Variants in TGFB2 observed in about 807,000 individuals in gnomAD.
TGFB2 encodes transforming growth factor beta 2.
Under a neutral mutation model 42.7 loss-of-function variants are expected in TGFB2, and 13 were observed. The observed-to-expected ratio is 0.30, with a 90% CI of 0.20 to 0.48. The LOEUF (loss-of-function observed/expected upper bound fraction) is 0.48. TGFB2 is among the 20% of genes least tolerant of loss of function. The pLI is 0.99. For missense variants in TGFB2, 390 were observed against 517.5 expected (o/e 0.75, Z 2.39); for synonymous variants, 193 against 193.6 (o/e 1.00, Z 0.03).
At chr1:218,414,545 G>T (rs1466514983) in intron 2 of TGFB2, among the ~76,000 whole-genome samples, 1 of 152,024 alleles carries the variant, frequency 6.6e-6, no homozygotes, top group South Asian at 2.1e-4. Flanking sequence ...TTTGCACAAG[G>T]CTATTAATAT....
chr1:218,382,590 T>A (rs557600728), intron 1 of TGFB2, among the ~76,000 whole-genome samples: 8 of 152,198 alleles, frequency 5.3e-5, no homozygotes, highest in Non-Finnish European at 1.0e-4. Flanking sequence ...AATAATAAAT[T>A]TGTTTTGTGG....
chr1:218,412,649 A>G (rs1335309549), intron 2 of TGFB2, among the ~76,000 whole-genome samples: 1 of 152,192 alleles, frequency 6.6e-6, no homozygotes, highest in Non-Finnish European at 1.5e-5. Flanking sequence ...GGGGTTTATT[A>G]TGAGGGTGAA....
chr1:218,400,699 G>A (rs967283433), intron 1 of TGFB2, among the ~76,000 whole-genome samples: 2 of 152,212 alleles, frequency 1.3e-5, no homozygotes, highest in African/African-American at 2.4e-5. Flanking sequence ...GGTGAGAGAC[G>A]TGCTTCTACT....
intron 1 of TGFB2, among the ~76,000 whole-genome samples, chr1:218,374,265 G>T (rs570635452): frequency 2.0e-5 from 3 of 152,326 alleles, no homozygotes; most frequent in South Asian, 2.1e-4. Context: ...CTATCAATAA[G>T]CAGGATCCTG....
At chr1:218,404,052 A>G in intron 1 of TGFB2, among the ~76,000 whole-genome samples, 1 of 4,040 alleles carries the variant, frequency 2.5e-4, no homozygotes, top group Non-Finnish European at 5.4e-4. Flanking sequence ...GGCAGATTAC[A>G]AAAAAAAAAA....
In TGFB2 at chr1:218,364,786, A is replaced by C. The variant is rs112294572; in HGVS notation, c.346+17739A>C. On this transcript the variant is annotated intron_variant, in intron 1 of 6. Transcript: ENST00000366930. Reference sequence around the variant, plus strand: ...TGAGAATATACGTTGATTTTAGTACAGAGAGCCTCAAAGTGGCTACAAGCT... The same window carrying C: ...TGAGAATATACGTTGATTTTAGTACCGAGAGCCTCAAAGTGGCTACAAGCT... 5.8e-3 allele frequency among the ~76,000 whole-genome samples: 891 copies of C among 152,336 alleles called. 12 individuals are homozygous for C. Among genetic ancestry groups the C allele is most frequent in the African/African-American group, 0.02 (811 of 41,570 alleles).
chr1:218,410,378 G>C (rs1659055667), intron 2 of TGFB2, among the ~76,000 whole-genome samples: 1 of 152,182 alleles, frequency 6.6e-6, no homozygotes, highest in Non-Finnish European at 1.5e-5. Flanking sequence ...CTCTGAGCTT[G>C]TTTAAACCTG....
rs1660246297 is a variant in TGFB2 at position 218,444,134 on chromosome 1, CAG to C, written c.*2774_*2775del. 6.6e-6 allele frequency: 1 copy of C among 152,118 alleles called. No individual in the cohort carries two copies. Among genetic ancestry groups the C allele is most frequent in the Admixed American group, 6.6e-5 (1 of 15,266 alleles). The allele number at this position is 152,118 out of a possible 1,614,324, so 9.4% of individuals were successfully genotyped here. ...CTTTCTCCCTTAAGGACAGTCACTT[CAG>C]AAGTCATGCTTTAAAGCACAAGAGT... On this transcript the variant is annotated 3_prime_UTR_variant, in exon 7 of 7. Transcript: ENST00000366930.
chr1:218,368,325 C>T (rs1276017758), intron 1 of TGFB2, among the ~76,000 whole-genome samples: 3 of 151,590 alleles, frequency 2.0e-5, no homozygotes, highest in East Asian at 2.0e-4. Flanking sequence ...TTAGTAGAGA[C>T]GGGGTTTCAC....
intron 1 of TGFB2, among the ~76,000 whole-genome samples, chr1:218,377,034 A>T (rs1327091151): frequency 1.3e-5 from 2 of 152,042 alleles, no homozygotes; most frequent in Non-Finnish European, 2.9e-5. Context: ...AGCTGGGACT[A>T]CAGATGATGC....
At chr1:218,433,971 TA>T (rs1434621932) in intron 2 of TGFB2, 110 bp from the exon 3 acceptor site, 4 of 1,431,904 alleles carry the variant, frequency 2.8e-6, no homozygotes, top group Admixed American at 3.8e-5. Flanking sequence ...ATGGCTATAC[TA>T]CAGTAGAGCT....
rs895766876 is a variant in TGFB2, at chr1:218,346,620, T to G, written c.-82T>G. 3 of 1,276,992 alleles carry G rather than the reference T, an allele frequency of 2.3e-6. No homozygotes were observed. The highest frequency in any genetic ancestry group is 3.0e-5 in the African/African-American group (2 of 66,118). 79.1% of individuals were successfully genotyped at this position (1,276,992 alleles called of 1,614,324 possible). A position where few individuals can be genotyped will look rare whatever the true frequency, so the allele number is the denominator to read the frequency against. On this transcript the variant is annotated 5_prime_UTR_variant, in exon 1 of 7. Transcript: ENST00000366930. The surrounding 1 kb of genome is among the most constrained non-coding windows in gnomAD (Gnocchi z 4.9). The stretch of plus-strand genomic sequence containing the variant: ...ACAACAAAAAACCAAACAACTCTCC[T>G]TGATCTATACTTTGAGAATTGTTGA...
chr1:218,404,400 AC>A (rs1658836319), intron 1 of TGFB2, among the ~76,000 whole-genome samples: 1 of 152,212 alleles, frequency 6.6e-6, no homozygotes. Flanking sequence ...TACAGGCGTG[AC>A]CCACTGTGCC....
intron 1 of TGFB2, among the ~76,000 whole-genome samples, chr1:218,402,497 C>T (rs1469501510): frequency 1.3e-5 from 2 of 151,784 alleles, no homozygotes; most frequent in Admixed American, 6.6e-5. Context: ...TCTGAGGCAG[C>T]CATAAAAAGA....
At chr1:218,369,210 G>A (rs549288320) in intron 1 of TGFB2, among the ~76,000 whole-genome samples, 17 of 134,488 alleles carry the variant, frequency 1.3e-4, no homozygotes, top group Middle Eastern at 5.2e-3. Flanking sequence ...AGCCGAGATC[G>A]TGCCTCTTCA....
In TGFB2 at chr1:218,443,437, AG is replaced by A. The variant is rs1660220294; in HGVS notation, c.*2076del. On this transcript the variant is annotated 3_prime_UTR_variant, in exon 7 of 7. Coordinates refer to ENST00000366930, the MANE Select transcript of TGFB2 (RefSeq NM_003238.6). ...TTGGAATTTCCTGACCATTAATTAAAGAATTGGATTTGCAAGTTTGAAAACT... is the reference window on the plus strand; with the variant it reads ...TTGGAATTTCCTGACCATTAATTAAAAATTGGATTTGCAAGTTTGAAAACT... The A allele has an allele frequency of 1.3e-5, 2 of 152,224 alleles. No individual in the cohort carries two copies. The highest frequency in any genetic ancestry group is 2.9e-5 in the Non-Finnish European group (2 of 68,044). 9.4% of individuals were successfully genotyped at this position (152,224 alleles called of 1,614,324 possible).
intron 2 of TGFB2, among the ~76,000 whole-genome samples, chr1:218,431,051 T>C (rs754169948): frequency 2.0e-5 from 3 of 152,200 alleles, no homozygotes; most frequent in Non-Finnish European, 2.9e-5. Flanking sequence ...GGTTAAGAAC[T>C]CTTTGGCCAT....
At chr1:218,404,200 C>G (rs768054775) in intron 1 of TGFB2, among the ~76,000 whole-genome samples, 1 of 152,114 alleles carries the variant, frequency 6.6e-6, no homozygotes, top group East Asian at 1.9e-4. Flanking sequence ...GCAGCCTCCG[C>G]CCCCGGGGTT....
At chr1:218,437,312 C>T (rs769227846) in intron 5 of TGFB2, 31 bp from the exon 6 acceptor site, 7 of 1,526,938 alleles carry the variant, frequency 4.6e-6, no homozygotes, top group Middle Eastern at 2.0e-4. Context: ...GCTTTAAAAT[C>T]TCCATTGCTT....
Sources: allele counts gnomAD v4.1 joint callset (sites outside exome capture counted in the v4.1 genomes callset), GRCh38; gene constraint gnomAD v4.1.1; non-coding constraint Gnocchi (gnomAD v3.1); transcripts MANE v1.5; gene names NCBI Gene and HGNC (gene_info 2026-07-23, HGNC 2026-07-21).